The following BCL6 variants were observed in gnomAD, a reference collection of about 807,000 sequenced individuals.
The protein encoded by BCL6 is BCL6 transcription repressor, also known as B-cell lymphoma 6 protein.
BCL6 carries 7 observed loss-of-function variants against 59.5 expected under a neutral mutation model. The observed-to-expected ratio is 0.12, with a 90% CI of 0.07 to 0.22. The LOEUF is 0.22. BCL6 is among the 10% of genes least tolerant of loss of function. The pLI is 1.00. For missense variants in BCL6, 685 were observed against 939.4 expected (o/e 0.73, Z 3.54); for synonymous variants, 339 against 349.7 (o/e 0.97, Z 0.34).
At chr3:187,745,174 G>T (rs530098838) in intron 1 of BCL6, among the ~76,000 whole-genome samples, 1 of 152,070 alleles carries the variant, frequency 6.6e-6, no homozygotes, top group African/African-American at 2.4e-5. Context: ...AGAGACGTGG[G>T]ACTAATCTTC....
chr3:187,744,861 A>T (rs1576885743), intron 1 of BCL6, among the ~76,000 whole-genome samples: 3 of 152,254 alleles, frequency 2.0e-5, no homozygotes, highest in South Asian at 2.1e-4. Context: ...ACACAGCCGC[A>T]CGAATCCAGA....
intron 4 of BCL6, 120 bp from the exon 5 acceptor site, chr3:187,730,141 G>A: frequency 1.5e-6 from 2 of 1,334,422 alleles, no homozygotes; most frequent in Non-Finnish European, 2.0e-6. Context: ...TAGGTGACGT[G>A]GCTCTGGAGC....
chr3:187,727,542 G>A (rs374087000), intron 6 of BCL6, among the ~76,000 whole-genome samples: 41 of 152,210 alleles, frequency 2.7e-4, no homozygotes, highest in Non-Finnish European at 5.6e-4. Flanking sequence ...CTGGGAGACC[G>A]AAGCTGATGG....
intron 1 of BCL6, among the ~76,000 whole-genome samples, chr3:187,743,957 C>CT (rs1229495593): frequency 6.6e-6 from 1 of 152,118 alleles, no homozygotes; most frequent in African/African-American, 2.4e-5. Flanking sequence ...TCCCCTCAGC[C>CT]ACGGCCACAA....
intron 3 of BCL6, among the ~76,000 whole-genome samples, chr3:187,733,198 A>T (rs1719129279): frequency 6.6e-6 from 1 of 152,182 alleles, no homozygotes; most frequent in Admixed American, 6.5e-5. Context: ...ACTTAAAGAC[A>T]AAGAAAGTTC....
chr3:187,731,622 T>A, intron 4 of BCL6, 87 bp downstream of exon 4: 1 of 1,335,648 alleles, frequency 7.5e-7, no homozygotes, highest in South Asian at 1.3e-5. Flanking sequence ...TAGAGGAGTA[T>A]TTTTTCTGTA....
chr3:187,727,219 C>A (rs1166220952), intron 6 of BCL6, among the ~76,000 whole-genome samples: 1 of 152,222 alleles, frequency 6.6e-6, no homozygotes, highest in Admixed American at 6.5e-5. Flanking sequence ...CCCAAGAGCT[C>A]TGAGAATTGA....
At chr3:187,744,874 G>C (rs557823075) in intron 1 of BCL6, among the ~76,000 whole-genome samples, 10 of 152,248 alleles carry the variant, frequency 6.6e-5, no homozygotes, top group Middle Eastern at 3.4e-3. Context: ...AATCCAGAGA[G>C]ATCACAAGCC....
chr3:187,722,310 A>ACCCCCCCCCCCCCCCAC lies in BCL6; in HGVS notation c.*147_*148insGTGGGGGGGGGGGGGGG. ...GCGGCTCCCAGTCCCCCAGGCCCCGACCCCCACCACCCCCAACCCCCAGCT... is the reference window on the plus strand; with the variant it reads ...GCGGCTCCCAGTCCCCCAGGCCCCGACCCCCCCCCCCCCCCACCCCCCACCACCCCCAACCCCCAGCT... On this transcript the variant is annotated 3_prime_UTR_variant, in exon 10 of 10. Transcript: ENST00000406870. The ACCCCCCCCCCCCCCCAC allele has an allele frequency of 8.9e-6, 1 of 112,696 alleles. No homozygotes were observed. The highest frequency in any genetic ancestry group is 1.7e-5 in the Non-Finnish European group (1 of 59,590). The allele number at this position is 112,696 out of a possible 1,614,324, so 7.0% of individuals were successfully genotyped here. A position where few individuals can be genotyped will look rare whatever the true frequency, so the allele number is the denominator to read the frequency against.
chr3:187,745,199 C>A (rs561233539), intron 1 of BCL6, among the ~76,000 whole-genome samples: 1 of 152,096 alleles, frequency 6.6e-6, no homozygotes, highest in East Asian at 1.9e-4. Flanking sequence ...TTTATTTTAA[C>A]ACCTGACAGC....
At chr3:187,743,438 A>T (rs1400892361) in intron 1 of BCL6, among the ~76,000 whole-genome samples, 1 of 152,000 alleles carries the variant, frequency 6.6e-6, no homozygotes, top group Non-Finnish European at 1.5e-5. Context: ...GGGGTCATTT[A>T]TCTGCTCAAC....
intron 3 of BCL6, among the ~76,000 whole-genome samples, chr3:187,732,566 T>A (rs76287110): frequency 0.072 from 10,888 of 152,242 alleles, 413 homozygotes; most frequent in East Asian, 0.092. Context: ...TGAGCTATCA[T>A]CTTGATTCTT....
At chr3:187,738,864 C>T (rs1293488926) in intron 1 of BCL6, among the ~76,000 whole-genome samples, 1 of 152,116 alleles carries the variant, frequency 6.6e-6, no homozygotes, top group Non-Finnish European at 1.5e-5. Context: ...GTGAAAGAGA[C>T]GGTTGGGATT....
At chr3:187,727,659 A>T (rs145666953) in intron 6 of BCL6, among the ~76,000 whole-genome samples, 2 of 152,348 alleles carry the variant, frequency 1.3e-5, no homozygotes, top group African/African-American at 4.8e-5. Context: ...CTATGGGTCC[A>T]TGACCCTGTG....
At chr3:187,744,474 A>G (rs1711782450) in intron 1 of BCL6, among the ~76,000 whole-genome samples, 2 of 152,242 alleles carry the variant, frequency 1.3e-5, no homozygotes, top group African/African-American at 4.8e-5. Context: ...TCCCCAAAAC[A>G]CAGGGGCAGG....
Position 187,725,422 on chromosome 3 carries a change from G to A in BCL6, c.1839+77C>T, listed in dbSNP as rs979364054. 85 of 1,546,994 alleles carry A rather than the reference G, an allele frequency of 5.5e-5. No individual in the cohort carries two copies. The highest frequency in any genetic ancestry group is 1.9e-4 in the African/African-American group (13 of 68,034). Reference sequence around the variant, plus strand: ...GCTCCACTTGCCTGCCCACTCCTCCGCTTGCCTGCCCACTCCTCCGCTCGC... The same window carrying A: ...GCTCCACTTGCCTGCCCACTCCTCCACTTGCCTGCCCACTCCTCCGCTCGC... On this transcript the variant is annotated intron_variant, in intron 8 of 9. Transcript: ENST00000406870. The surrounding 1 kb of genome is among the most constrained non-coding windows in gnomAD (Gnocchi z 4.7).
In BCL6 at chr3:187,729,370, T is replaced by C. The variant is rs1560150356; in HGVS notation, c.1035A>G (p.Thr345=). Residue 345 remains threonine (T), a synonymous_variant, in exon 5 of 10, where the codon ACA becomes ACG. Transcript: ENST00000406870. This position sits in a 1 kb window ranked among gnomAD's most constrained non-coding sequence, Gnocchi z 5.6. ...AGGCATTCTTACTGCTGCAGGACTC[T>C]GTGGGCGAGTTGGGCTGGCAGTCAG... The part of the protein sequence containing the change: ...QKSDCQPNSP[T]ESCSSKNACI... 4 of 1,613,780 alleles carry C rather than the reference T, an allele frequency of 2.5e-6. No individual in the cohort carries two copies. Among genetic ancestry groups the C allele is most frequent in the Non-Finnish European group, 3.4e-6 (4 of 1,179,928 alleles).
At chr3:187,744,359 T>C (rs1711771501) in intron 1 of BCL6, among the ~76,000 whole-genome samples, 1 of 144,218 alleles carries the variant, frequency 6.9e-6, no homozygotes, top group Admixed American at 6.8e-5. Context: ...GCCATCAGTC[T>C]CTCTCCTCGG....
At position 187,729,251 on chromosome 3, in the gene BCL6, C is replaced by T. The variant is rs766860585; in HGVS notation, c.1154G>A (p.Ser385Asn). ...CTCTGGTTTGGCATTCTGGTTGAGGCTGTTGAGCACGATGAACTTGTATTT... is the reference window on the plus strand; with the variant it reads ...CTCTGGTTTGGCATTCTGGTTGAGGTTGTTGAGCACGATGAACTTGTATTT... ...WKKYKFIVLN[S>N]LNQNAKPEGP... The change falls in exon 5 of 10, where the codon AGC becomes AAC. Residue 385 changes from serine (S) to asparagine (N), a missense_variant. By Grantham distance (46) the Ser-to-Asn change is conservative (BLOSUM62 1). Coordinates refer to ENST00000406870, the MANE Select transcript of BCL6 (RefSeq NM_001706.5). The surrounding 1 kb of genome is among the most constrained non-coding windows in gnomAD (Gnocchi z 5.6). 3 of 1,614,156 alleles carry T rather than the reference C, an allele frequency of 1.9e-6. No homozygotes were observed. The highest frequency in any genetic ancestry group is 1.7e-6 in the Non-Finnish European group (2 of 1,180,036).
Sources: allele counts gnomAD v4.1 joint callset (sites outside exome capture counted in the v4.1 genomes callset), GRCh38; gene constraint gnomAD v4.1.1; non-coding constraint Gnocchi (gnomAD v3.1); transcripts MANE v1.5; gene names NCBI Gene and HGNC (gene_info 2026-07-23, HGNC 2026-07-21).